ZNF704: variants seen among roughly 807,000 people sequenced by gnomAD.
ZNF704 encodes the protein zinc finger protein 704, also known as glucocorticoid induced gene 1.
In ZNF704, 10 loss-of-function variants were observed where a neutral mutation model predicts 44.7. The observed-to-expected ratio is 0.22, with a 90% CI of 0.14 to 0.38. ZNF704 has a LOEUF of 0.38. ZNF704 is among the 10% of genes least tolerant of loss of function. ZNF704 has a pLI of 1.00. For missense variants in ZNF704, 390 were observed against 545.5 expected (o/e 0.71, Z 2.84); for synonymous variants, 211 against 207.6 (o/e 1.02, Z -0.14).
intron 4 of ZNF704, among the ~76,000 whole-genome samples, chr8:80,685,169 T>C (rs886951001): frequency 2.6e-5 from 4 of 151,574 alleles, no homozygotes; most frequent in African/African-American, 7.3e-5. Flanking sequence ...AAATAAAAAA[T>C]GTAAAAAAGG....
rs186258320 is a variant in ZNF704 at position 80,771,607 on chromosome 8, C to A, written c.221+49767G>T. The stretch of plus-strand genomic sequence containing the variant: ...CTAGGAGTCTTTTTAAAAATAAATT[C>A]CTTGGAATATTCTACTTAAACAATT... On this transcript the variant is annotated intron_variant, in intron 2 of 8. Coordinates refer to ENST00000327835, the MANE Select transcript of ZNF704 (RefSeq NM_001033723.3). 4.5e-3 allele frequency among the ~76,000 whole-genome samples: 684 copies of A among 152,062 alleles called. 7 individuals carry two copies. The highest frequency in any genetic ancestry group is 0.016 in the African/African-American group (654 of 41,498).
chr8:80,811,484 T>C (rs1170141769), intron 2 of ZNF704, among the ~76,000 whole-genome samples: 1 of 152,102 alleles, frequency 6.6e-6, no homozygotes, highest in Non-Finnish European at 1.5e-5. Flanking sequence ...TAACTGAAGA[T>C]GAAATAACTA....
chr8:80,800,276 C>T (rs1453780198), intron 2 of ZNF704, among the ~76,000 whole-genome samples: 1 of 152,150 alleles, frequency 6.6e-6, no homozygotes, highest in Non-Finnish European at 1.5e-5. Flanking sequence ...ACTTGCCCAA[C>T]TTAGAAAGAC....
chr8:80,662,734 T>C (rs552969369), intron 6 of ZNF704, among the ~76,000 whole-genome samples: 6 of 152,358 alleles, frequency 3.9e-5, no homozygotes, highest in African/African-American at 1.4e-4. Flanking sequence ...CCATAAACTG[T>C]TCCCTCATAT....
rs1458602891 is a variant in ZNF704 at position 80,874,081 on chromosome 8, G to C, written c.-22+490C>G. 6.8e-6 allele frequency among the ~76,000 whole-genome samples: 1 copy of C among 146,688 alleles called. No homozygotes were observed. Among genetic ancestry groups the C allele is most frequent in the Non-Finnish European group, 1.5e-5 (1 of 65,892 alleles). On this transcript the variant is annotated intron_variant, in intron 1 of 8. Transcript: ENST00000327835. The surrounding 1 kb of genome is among the most constrained non-coding windows in gnomAD (Gnocchi z 4.4). Reference sequence around the variant, plus strand: ...GGGTTGCGGGCCGCGGCGCGGGGCCGGAGAGTTTGTCACCTCCTCTTCCTC... The same window carrying C: ...GGGTTGCGGGCCGCGGCGCGGGGCCCGAGAGTTTGTCACCTCCTCTTCCTC...
upstream of ZNF704, among the ~76,000 whole-genome samples, chr8:80,876,828 G>A (rs1809362112): frequency 6.6e-6 from 1 of 152,138 alleles, no homozygotes; most frequent in Admixed American, 6.5e-5. Context: ...GAATAACAAG[G>A]TAGCTCTCTT....
At chr8:80,712,604 G>A (rs937333473) in intron 2 of ZNF704, among the ~76,000 whole-genome samples, 1 of 152,048 alleles carries the variant, frequency 6.6e-6, no homozygotes, top group African/African-American at 2.4e-5. Flanking sequence ...GTTTGGATCT[G>A]TTGATGATCC....
At chr8:80,785,486 C>A (rs1707743467) in intron 2 of ZNF704, among the ~76,000 whole-genome samples, 1 of 152,144 alleles carries the variant, frequency 6.6e-6, no homozygotes, top group Non-Finnish European at 1.5e-5. Flanking sequence ...ATTTGGGATT[C>A]TTCTGCAAGG....
At position 80,737,953 on chromosome 8, in the gene ZNF704, T is replaced by C. The variant is rs559518979; in HGVS notation, c.222-44846A>G. Among the ~76,000 whole-genome samples the C allele has an allele frequency of 3.3e-4, 50 of 152,312 alleles. 1 individual carries two copies. Among genetic ancestry groups the C allele is most frequent in the Admixed American group, 7.8e-4 (12 of 15,296 alleles). On this transcript the variant is annotated intron_variant, in intron 2 of 8. Transcript: ENST00000327835. ...ATCCAGGATACTAAATTGCATTTAG[T>C]TGGCATGTTTCTTCTAGTCTGGAAC... is the stretch of plus-strand genomic sequence containing the variant.
intron 1 of ZNF704, among the ~76,000 whole-genome samples, chr8:80,833,031 T>C (rs924656130): frequency 1.3e-5 from 2 of 152,142 alleles, no homozygotes; most frequent in African/African-American, 2.4e-5. Context: ...AATAAAAACA[T>C]TTGATTCTCT....
At chr8:80,847,190 A>T (rs944023835) in intron 1 of ZNF704, among the ~76,000 whole-genome samples, 2 of 152,006 alleles carry the variant, frequency 1.3e-5, no homozygotes, top group Non-Finnish European at 2.9e-5. Context: ...AAATAAAATA[A>T]AATATAAAAT....
At chr8:80,850,010 T>C (rs773274686) in intron 1 of ZNF704, among the ~76,000 whole-genome samples, 15 of 152,204 alleles carry the variant, frequency 9.9e-5, no homozygotes, top group Non-Finnish European at 1.9e-4. Flanking sequence ...TTTTCTAAAA[T>C]ATTTTATTGT....
At chr8:80,861,931 CAA>C (rs1164553985) in intron 1 of ZNF704, among the ~76,000 whole-genome samples, 1 of 144,416 alleles carries the variant, frequency 6.9e-6, no homozygotes. Context: ...CCACTATCCA[CAA>C]AGTTTACTAA....
chr8:80,786,646 T>C (rs1451247415), intron 2 of ZNF704, among the ~76,000 whole-genome samples: 1 of 152,168 alleles, frequency 6.6e-6, no homozygotes, highest in East Asian at 1.9e-4. Context: ...ATCAAAACTT[T>C]ATCATAAAGA....
intron 2 of ZNF704, among the ~76,000 whole-genome samples, chr8:80,734,346 CCATTAT>C (rs1806630657): frequency 6.6e-6 from 1 of 152,158 alleles, no homozygotes; most frequent in African/African-American, 2.4e-5. Flanking sequence ...TTTAATATTA[CCATTAT>C]ATCAGGATGC....
At position 80,874,035 on chromosome 8, in the gene ZNF704, G is replaced by A. The variant is rs1036655755; in HGVS notation, c.-22+536C>T. Among the ~76,000 whole-genome samples the A allele has an allele frequency of 2.7e-5, 4 of 146,804 alleles. No homozygotes were observed. Among genetic ancestry groups the A allele is most frequent in the African/African-American group, 9.8e-5 (4 of 40,908 alleles). ...AGGCTGGAGCGCTTGGCTAGACGCC[G>A]CGCCTGCATGCCTGAGCGCGGGGTT... is the stretch of plus-strand genomic sequence containing the variant. On this transcript the variant is annotated intron_variant, in intron 1 of 8. Coordinates refer to ENST00000327835, the MANE Select transcript of ZNF704 (RefSeq NM_001033723.3). The surrounding 1 kb of genome is among the most constrained non-coding windows in gnomAD (Gnocchi z 4.4).
At chr8:80,773,265 G>A (rs1807354885) in intron 2 of ZNF704, among the ~76,000 whole-genome samples, 1 of 152,024 alleles carries the variant, frequency 6.6e-6, no homozygotes, top group African/African-American at 2.4e-5. Context: ...TTTATGTACA[G>A]TGTTTTTGAG....
chr8:80,680,618 G>A (rs1347048916), intron 4 of ZNF704, among the ~76,000 whole-genome samples: 1 of 152,146 alleles, frequency 6.6e-6, no homozygotes, highest in African/African-American at 2.4e-5. Context: ...CCCAGCAGGT[G>A]CCAAAAGATC....
intron 2 of ZNF704, among the ~76,000 whole-genome samples, chr8:80,771,491 T>C (rs1008960405): frequency 3.3e-5 from 5 of 152,212 alleles, no homozygotes; most frequent in African/African-American, 1.2e-4. Flanking sequence ...TAAATTCCAG[T>C]TGTCATGTGT....
Sources: gnomAD v4.1 joint callset for allele counts (sites outside exome capture counted in the v4.1 genomes callset) on GRCh38, gnomAD v4.1.1 for gene constraint, Gnocchi (gnomAD v3.1) non-coding constraint, MANE v1.5 for transcripts, NCBI Gene and HGNC (gene_info 2026-07-23, HGNC 2026-07-21) for gene names.